Variants in BCAP29 observed in about 807,000 individuals in gnomAD.
The protein encoded by BCAP29 is B-cell receptor-associated protein 29.
Under a neutral mutation model 31.8 loss-of-function variants are expected in BCAP29, and 34 were observed. That is an observed-to-expected ratio of 1.07 (90% CI 0.81 to 1.42). The LOEUF (loss-of-function observed/expected upper bound fraction) is 1.42. BCAP29 is among the 40% of genes most tolerant of loss of function. The pLI, the probability that BCAP29 is intolerant of heterozygous loss-of-function variation, is 0.00. For missense variants in BCAP29, 314 were observed against 269.2 expected, an observed-to-expected ratio of 1.17 and a Z score of -1.16; for synonymous variants, 104 against 91.3, an observed-to-expected ratio of 1.14 and a Z score of -0.79.
At chr7:107,596,787 T>C (rs940765117) in intron 5 of BCAP29, among the ~76,000 whole-genome samples, 1 of 152,234 alleles carries the variant, frequency 6.6e-6, no homozygotes, top group African/African-American at 2.4e-5. Context: ...ACACTTAAAT[T>C]AGTCTTGCCC....
intron 2 of BCAP29, among the ~76,000 whole-genome samples, chr7:107,583,337 A>C (rs1163366927): frequency 2.0e-5 from 3 of 152,012 alleles, no homozygotes; most frequent in Non-Finnish European, 4.4e-5. Context: ...GAAAATTATC[A>C]AGCTACATAT....
At chr7:107,595,820 T>C (rs2129238651) in intron 4 of BCAP29, 47 bp from the exon 5 acceptor site, 1 of 1,572,894 alleles carries the variant, frequency 6.4e-7, no homozygotes, top group East Asian at 2.3e-5. Flanking sequence ...TTAAAATAAG[T>C]TTCTGGTGAT....
chr7:107,592,524 G>A (rs961543323), intron 3 of BCAP29, among the ~76,000 whole-genome samples: 5 of 152,184 alleles, frequency 3.3e-5, no homozygotes, highest in African/African-American at 1.2e-4. Context: ...ATACAGTTTG[G>A]CAGTTCCTCA....
Position 107,580,840 on chromosome 7 carries a change from GCCTA to G in BCAP29, c.72_75del (p.Pro25LeufsTer34), listed in dbSNP as rs763556196. 6.3e-7 allele frequency: 1 copy of G among 1,590,358 alleles called. No individual in the cohort carries two copies. The highest frequency in any genetic ancestry group is 8.5e-7 in the Non-Finnish European group (1 of 1,170,122). ...GAAATAGGACTCATTTTAATCTTCT[GCCTA>G]CCTTTTATTCCTCCTCAGAGGTAGG... On this transcript the variant is annotated frameshift_variant, in exon 2 of 8. Coordinates refer to ENST00000005259, the MANE Select transcript of BCAP29 (RefSeq NM_018844.4). LOFTEE classifies it high-confidence loss of function.
intron 6 of BCAP29, among the ~76,000 whole-genome samples, chr7:107,602,218 A>G (rs988549619): frequency 6.6e-6 from 1 of 152,214 alleles, no homozygotes. Context: ...GTTTGGTTCC[A>G]GCAAGACATA....
downstream of BCAP29, chr7:107,623,045 T>G (rs1815103129): frequency 6.6e-6 from 1 of 152,134 alleles, no homozygotes; most frequent in Non-Finnish European, 1.5e-5. Flanking sequence ...TTTTTTTTCT[T>G]CCTCTGTCCT....
At chr7:107,590,960 A>G (rs913331104) in intron 3 of BCAP29, among the ~76,000 whole-genome samples, 2 of 152,226 alleles carry the variant, frequency 1.3e-5, no homozygotes, top group African/African-American at 4.8e-5. Context: ...TGTATCAGTA[A>G]TTGTATTTCT....
intron 3 of BCAP29, among the ~76,000 whole-genome samples, chr7:107,584,718 C>T (rs1807319119): frequency 6.6e-6 from 1 of 151,960 alleles, no homozygotes; most frequent in African/African-American, 2.4e-5. Flanking sequence ...AACAAACAAA[C>T]AAAACTGCAA....
chr7:107,580,647 T>C (rs537020235), intron 1 of BCAP29, 112 bp from the exon 2 acceptor site: 22 of 696,872 alleles, frequency 3.2e-5, no homozygotes, highest in Admixed American at 1.1e-4. Context: ...CCTTCCCAGG[T>C]GGGGGAAGGT....
At chr7:107,582,727 C>T (rs1051740297) in intron 2 of BCAP29, among the ~76,000 whole-genome samples, 1 of 152,160 alleles carries the variant, frequency 6.6e-6, no homozygotes, top group Non-Finnish European at 1.5e-5. Flanking sequence ...ATAAGGTGCT[C>T]AACTGCTAGT....
downstream of BCAP29, chr7:107,622,412 T>A (rs1759359077): frequency 6.5e-6 from 1 of 153,738 alleles, no homozygotes; most frequent in Non-Finnish European, 1.4e-5. Context: ...CCTGTTTCTT[T>A]TTGTTGTTCT....
At chr7:107,585,020 C>T (rs1807380546) in intron 3 of BCAP29, among the ~76,000 whole-genome samples, 1 of 152,146 alleles carries the variant, frequency 6.6e-6, no homozygotes, top group African/African-American at 2.4e-5. Flanking sequence ...CCAGAAGTTC[C>T]ATGAGTCTTA....
chr7:107,600,314 T>C, intron 5 of BCAP29, 83 bp from the exon 6 acceptor site: 1 of 813,302 alleles, frequency 1.2e-6, no homozygotes, highest in Non-Finnish European at 2.1e-6. Context: ...TAAGTTTAGA[T>C]AGGTTACTCA....
At position 107,618,312 on chromosome 7, in the gene BCAP29, A is replaced by AT. The variant is rs754067990; in HGVS notation, c.691-9dup. The AT allele has an allele frequency of 5.8e-6, 9 of 1,544,898 alleles. No homozygotes were observed. The highest frequency in any genetic ancestry group is 2.3e-5 in the East Asian group (1 of 44,230). On this transcript the variant is annotated splice_polypyrimidine_tract_variant and intron_variant, in intron 7 of 7. Transcript: ENST00000005259. ...CTCTTTGCTGTACTACATAAATCAT[A>AT]TTTTTTTCCTTACAGGATCGTTTAG... is the stretch of plus-strand genomic sequence containing the variant.
rs528664838 is a variant in BCAP29, at chr7:107,595,925, G to C, written c.403G>C (p.Gly135Arg). ...TQLAKELSNK[G>R]VLKTQAENTN... ...ACTGGCAAAAGAACTGTCAAACAAAGGTGTACTTAAAACTCAAGCAGAAAA... is the reference window on the plus strand; with the variant it reads ...ACTGGCAAAAGAACTGTCAAACAAACGTGTACTTAAAACTCAAGCAGAAAA... The change falls in exon 5 of 8, where the codon GGT becomes CGT. Residue 135 changes from glycine to arginine, a missense_variant. Coordinates refer to ENST00000005259, the MANE Select transcript of BCAP29 (RefSeq NM_018844.4). 1.3e-6 allele frequency: 2 copies of C among 1,597,508 alleles called. No homozygotes were observed. The highest frequency in any genetic ancestry group is 2.7e-5 in the African/African-American group (2 of 73,682).
chr7:107,622,112 C>T, downstream of BCAP29: 1 of 414,414 alleles, frequency 2.4e-6, no homozygotes, highest in Non-Finnish European at 4.8e-6. Context: ...CTCTGCCTAA[C>T]TGCAAGCCAT....
chr7:107,617,088 C>T (rs1490753098), intron 7 of BCAP29, among the ~76,000 whole-genome samples: 1 of 152,116 alleles, frequency 6.6e-6, no homozygotes, highest in East Asian at 1.9e-4. Context: ...CTGAGCCCTG[C>T]TTGAGAAGCA....
At chr7:107,622,180 C>T (rs1224675015), downstream of BCAP29, 1 of 278,188 alleles carries the variant, frequency 3.6e-6, no homozygotes, top group African/African-American at 2.2e-5. Context: ...TTCTCTAATG[C>T]TTCTCTCATA....
At chr7:107,615,325 G>C in intron 7 of BCAP29, 1 of 456,692 alleles carries the variant, frequency 2.2e-6, no homozygotes, top group Non-Finnish European at 4.4e-6. Flanking sequence ...CTGGCTGAGC[G>C]TGGTGGCTCA....
Sources: gnomAD v4.1 joint callset for allele counts (sites outside exome capture counted in the v4.1 genomes callset) on GRCh38, gnomAD v4.1.1 for gene constraint, MANE v1.5 for transcripts, NCBI Gene and HGNC (gene_info 2026-07-23, HGNC 2026-07-21) for gene names.